The following ATP11A variants were observed in gnomAD, a reference collection of about 807,000 sequenced individuals.
ATP11A encodes phospholipid-transporting ATPase IH.
Under a neutral mutation model 154.4 loss-of-function variants are expected in ATP11A, and 81 were observed. The observed-to-expected ratio is 0.52, with a 90% CI of 0.44 to 0.63. The LOEUF (loss-of-function observed/expected upper bound fraction) is 0.63. Among genes scored for constraint, ATP11A ranks in the 30% least tolerant of loss-of-function variants. ATP11A has a pLI of 0.00. For synonymous variants in ATP11A, 623 were observed against 585.9 expected (o/e 1.06, Z -0.91); for missense variants, 1,316 against 1,474.3 (o/e 0.89, Z 1.76).
rs957974629 is a variant in ATP11A, at chr13:112,883,186, C to T, written c.*1320C>T. ...ACATACCCTCGTCCCCATGTCCCCA[C>T]GCAGGGCTCTCCTTCGTCTTAGGAT... On this transcript the variant is annotated 3_prime_UTR_variant, in exon 30 of 30. Transcript: ENST00000375645. 3.3e-5 allele frequency: 13 copies of T among 398,836 alleles called. No individual in the cohort carries two copies. Among genetic ancestry groups the T allele is most frequent in the South Asian group, 1.3e-4 (1 of 7,868 alleles). 24.7% of individuals were successfully genotyped at this position (398,836 alleles called of 1,614,324 possible).
chr13:112,758,632 C>T (rs908294508), intron 1 of ATP11A, among the ~76,000 whole-genome samples: 2 of 151,860 alleles, frequency 1.3e-5, no homozygotes, highest in African/African-American at 4.8e-5. Context: ...ACCGTGTTAG[C>T]CAGGATGGTC....
At chr13:112,841,366 G>A (rs1160669866) in intron 16 of ATP11A, among the ~76,000 whole-genome samples, 1 of 145,564 alleles carries the variant, frequency 6.9e-6, no homozygotes, top group Non-Finnish European at 1.5e-5. Flanking sequence ...CTGTGTGTCG[G>A]GAGCACCTGC....
At chr13:112,780,454 T>C (rs754535) in intron 1 of ATP11A, among the ~76,000 whole-genome samples, 90,467 of 152,128 alleles carry the variant, frequency 0.59, 28,052 homozygotes, top group African/African-American at 0.78. Context: ...GCTTCACACA[T>C]GGGATGCTTT....
intron 1 of ATP11A, among the ~76,000 whole-genome samples, chr13:112,705,269 G>A (rs1042822622): frequency 1.5e-5 from 2 of 137,012 alleles, no homozygotes; most frequent in Admixed American, 6.8e-5. Context: ...ACCATTTCTC[G>A]GATGTAATGT....
intron 5 of ATP11A, among the ~76,000 whole-genome samples, chr13:112,815,287 C>T (rs528261408): frequency 6.6e-5 from 10 of 150,670 alleles, no homozygotes; most frequent in Admixed American, 4.0e-4. Flanking sequence ...TCTGCGATAC[C>T]TTCCACACCC....
chr13:112,873,976 G>A (rs1407910117), intron 27 of ATP11A, among the ~76,000 whole-genome samples: 2 of 152,212 alleles, frequency 1.3e-5, no homozygotes, highest in Middle Eastern at 3.2e-3. Flanking sequence ...ATGTCAGATT[G>A]AAAGGCCAGA....
intron 1 of ATP11A, among the ~76,000 whole-genome samples, chr13:112,694,024 A>G (rs4907743): frequency 0.014 from 2,175 of 152,306 alleles, 53 homozygotes; most frequent in African/African-American, 0.044. Flanking sequence ...CTGTAAGGTG[A>G]GCAACACCGA....
At chr13:112,823,304 C>T in intron 8 of ATP11A, 41 bp from the exon 9 acceptor site, 1 of 1,568,134 alleles carries the variant, frequency 6.4e-7, no homozygotes, top group Non-Finnish European at 8.8e-7. Flanking sequence ...TGCCCACTTG[C>T]CTTCGTGTCC....
chr13:112,857,523 A>G (rs1008675976), intron 20 of ATP11A, among the ~76,000 whole-genome samples: 13 of 152,346 alleles, frequency 8.5e-5, no homozygotes, highest in African/African-American at 3.1e-4. Flanking sequence ...AATAACTACA[A>G]GCTACTTCAT....
At chr13:112,800,058 A>G (rs1007793592) in intron 2 of ATP11A, among the ~76,000 whole-genome samples, 1 of 152,230 alleles carries the variant, frequency 6.6e-6, no homozygotes, top group Non-Finnish European at 1.5e-5. Context: ...AATTTATAGT[A>G]TTGACTACAT....
chr13:112,756,041 C>T (rs1291609634), intron 1 of ATP11A, among the ~76,000 whole-genome samples: 2 of 151,720 alleles, frequency 1.3e-5, no homozygotes, highest in East Asian at 1.9e-4. Flanking sequence ...TTTCCGGTCA[C>T]GGAAGCGTCA....
intron 14 of ATP11A, among the ~76,000 whole-genome samples, chr13:112,834,105 G>A (rs951517088): frequency 6.6e-6 from 1 of 152,218 alleles, no homozygotes; most frequent in African/African-American, 2.4e-5. Flanking sequence ...GCATTGTATA[G>A]ATGGGTGCAC....
chr13:112,768,382 G>C (rs1294862636), intron 1 of ATP11A, among the ~76,000 whole-genome samples: 3 of 152,236 alleles, frequency 2.0e-5, no homozygotes, highest in African/African-American at 4.8e-5. Context: ...CCCTATGGTG[G>C]AGTCTCAGCT....
intron 18 of ATP11A, among the ~76,000 whole-genome samples, chr13:112,853,299 T>C (rs2079828232): frequency 6.6e-6 from 1 of 152,024 alleles, no homozygotes; most frequent in Admixed American, 6.6e-5. Context: ...CACACACATA[T>C]ATATATACAC....
At chr13:112,740,148 C>CTCTATA (rs1454988788) in intron 1 of ATP11A, among the ~76,000 whole-genome samples, 9 of 137,900 alleles carry the variant, frequency 6.5e-5, no homozygotes, top group South Asian at 2.3e-4. Flanking sequence ...CTCTCTCTCT[C>CTCTATA]TATATATATA....
At chr13:112,867,486 A>G (rs1348468072) in intron 25 of ATP11A, among the ~76,000 whole-genome samples, 2 of 152,130 alleles carry the variant, frequency 1.3e-5, no homozygotes, top group South Asian at 2.1e-4. Context: ...GTGCTCCTGA[A>G]TGAGGTGCTG....
At chr13:112,869,881 AGT>A (rs944625331) in intron 25 of ATP11A, among the ~76,000 whole-genome samples, 3 of 152,226 alleles carry the variant, frequency 2.0e-5, no homozygotes, top group Admixed American at 6.5e-5. Flanking sequence ...CTTTTTGGTG[AGT>A]GTGAAACAGG....
chr13:112,799,778 C>G (rs2078086199), intron 2 of ATP11A, among the ~76,000 whole-genome samples: 1 of 152,178 alleles, frequency 6.6e-6, no homozygotes, highest in African/African-American at 2.4e-5. Context: ...CATGACAGAT[C>G]ACATTCTGGG....
In ATP11A at chr13:112,863,123, G is replaced by A. The variant is rs2080174017; in HGVS notation, c.2991+548G>A. ...GTAGCACATGCAGTTTCCCAGCGGGGTCCATCACCACCTGCACAGTAATTC... is the reference window on the plus strand; with the variant it reads ...GTAGCACATGCAGTTTCCCAGCGGGATCCATCACCACCTGCACAGTAATTC... On this transcript the variant is annotated intron_variant, in intron 25 of 29. Coordinates refer to ENST00000375645, the MANE Select transcript of ATP11A (RefSeq NM_015205.3). 3.6e-5 allele frequency among the ~76,000 whole-genome samples: 5 copies of A among 137,228 alleles called. 1 individual carries two copies. Among genetic ancestry groups the A allele is most frequent in the East Asian group, 4.5e-4 (2 of 4,494 alleles). The allele number at this position is 137,228 out of a possible 152,430, so 90.0% of individuals were successfully genotyped here.
Sources: allele counts gnomAD v4.1 joint callset (sites outside exome capture counted in the v4.1 genomes callset), GRCh38; gene constraint gnomAD v4.1.1; transcripts MANE v1.5; gene names NCBI Gene and HGNC (gene_info 2026-07-23, HGNC 2026-07-21).